Variants in TTC7A observed in about 807,000 individuals in gnomAD.
TTC7A encodes the protein tetratricopeptide repeat domain 7A, also known as tetratricopeptide repeat protein 7A.
In TTC7A, 110 loss-of-function variants were observed where a neutral mutation model predicts 103.7. That is an observed-to-expected ratio of 1.06 (90% CI 0.91 to 1.24). The LOEUF is 1.24. Among genes scored for constraint, TTC7A ranks in the 50% most tolerant of loss-of-function variants. The pLI is 0.00. For missense variants in TTC7A, 1,340 were observed against 1,116.3 expected (o/e 1.20, Z -2.86); for synonymous variants, 521 against 467.9 (o/e 1.11, Z -1.47).
Position 47,074,205 on chromosome 2 carries a change from C to T in TTC7A, c.*282C>T, listed in dbSNP as rs1039993504. ...TCCCCAAGAGCTGGGCAGCGGGGAG[C>T]CTCACAGCTGTCCTTCACCCTCACC... On this transcript the variant is annotated 3_prime_UTR_variant, in exon 20 of 20. Coordinates refer to ENST00000319190, the MANE Select transcript of TTC7A (RefSeq NM_020458.4). 1 of 481,224 alleles carries T rather than the reference C, an allele frequency of 2.1e-6. No homozygotes were observed. The allele number at this position is 481,224 out of a possible 1,614,324, so 29.8% of individuals were successfully genotyped here. A position where few individuals can be genotyped will look rare whatever the true frequency, so the allele number is the denominator to read the frequency against.
chr2:47,051,992 C>T, intron 18 of TTC7A, 112 bp downstream of exon 18: 2 of 1,389,408 alleles, frequency 1.4e-6, no homozygotes, highest in Non-Finnish European at 1.9e-6. Context: ...TTGCTAGGCC[C>T]ACGCGGGTTA....
At chr2:46,947,819 T>G (rs1281692311) in intron 1 of TTC7A, among the ~76,000 whole-genome samples, 1 of 152,204 alleles carries the variant, frequency 6.6e-6, no homozygotes, top group Non-Finnish European at 1.5e-5. Flanking sequence ...CTCCCAATTT[T>G]TTAGTATTAG....
chr2:47,066,614 G>T (rs1400342474), intron 19 of TTC7A, among the ~76,000 whole-genome samples: 2 of 152,342 alleles, frequency 1.3e-5, no homozygotes, highest in East Asian at 3.9e-4. Context: ...AAGACAAGCA[G>T]CCCTGCGTTA....
intron 8 of TTC7A, among the ~76,000 whole-genome samples, chr2:47,003,822 G>C (rs1677095647): frequency 6.6e-6 from 1 of 152,210 alleles, no homozygotes; most frequent in South Asian, 2.1e-4. Context: ...TTGCCTGTTG[G>C]AGGCCGCCCC....
chr2:47,022,059 G>A (rs1224975246), intron 12 of TTC7A, 80 bp downstream of exon 12: 11 of 1,011,642 alleles, frequency 1.1e-5, no homozygotes, highest in Admixed American at 2.0e-5. Flanking sequence ...TTGTCCTACC[G>A]GCACCCCTCC....
intron 3 of TTC7A, among the ~76,000 whole-genome samples, chr2:46,963,585 GT>G (rs1274948409): frequency 3.3e-5 from 5 of 152,214 alleles, no homozygotes; most frequent in Admixed American, 1.3e-4. Context: ...CTGGGGATCA[GT>G]TTCTGCATAA....
chr2:47,074,050 C>T lies in TTC7A; in HGVS notation c.*127C>T, dbSNP rs1454016966. The T allele has an allele frequency of 1.3e-5, 9 of 680,804 alleles. No individual in the cohort carries two copies. The highest frequency in any genetic ancestry group is 9.8e-6 in the Non-Finnish European group (4 of 407,294). The allele number at this position is 680,804 out of a possible 1,614,324, so 42.2% of individuals were successfully genotyped here. ...GGAAATACATCTTTAGTGAACGCCT[C>T]TGCAGCTGCAGCCCTCGTTCTCTTG... On this transcript the variant is annotated 3_prime_UTR_variant, in exon 20 of 20. Coordinates refer to ENST00000319190, the MANE Select transcript of TTC7A (RefSeq NM_020458.4).
chr2:46,924,949 T>C (rs1669310172), intron 2 of TTC7A, among the ~76,000 whole-genome samples: 1 of 152,222 alleles, frequency 6.6e-6, no homozygotes, highest in African/African-American at 2.4e-5. Context: ...TTTTCAAGAG[T>C]ACTCTTAGTT....
chr2:46,950,319 C>T (rs1166602028), intron 1 of TTC7A, 44 bp from the exon 2 acceptor site: 1 of 1,609,140 alleles, frequency 6.2e-7, no homozygotes, highest in South Asian at 1.1e-5. Context: ...CCATTATCCG[C>T]CTTGTTCGGG....
chr2:47,068,114 C>G (rs142263326), intron 19 of TTC7A: 1 of 152,280 alleles, frequency 6.6e-6, no homozygotes, highest in African/African-American at 2.4e-5. Flanking sequence ...GGCAGAGGCT[C>G]TGTGGTGGCA....
intron 5 of TTC7A, among the ~76,000 whole-genome samples, chr2:46,989,108 G>T (rs899539643): frequency 1.3e-5 from 2 of 152,184 alleles, no homozygotes; most frequent in Admixed American, 6.5e-5. Context: ...CTAGGGGACT[G>T]GGGAGCTTGC....
intron 2 of TTC7A, among the ~76,000 whole-genome samples, chr2:46,935,627 T>C (rs997963710): frequency 6.6e-6 from 1 of 152,174 alleles, no homozygotes; most frequent in Non-Finnish European, 1.5e-5. Flanking sequence ...CATTCAATTA[T>C]TGAGGCCCGC....
chr2:47,026,414 C>T (rs543477935), intron 14 of TTC7A, among the ~76,000 whole-genome samples: 3 of 152,316 alleles, frequency 2.0e-5, no homozygotes, highest in African/African-American at 4.8e-5. Flanking sequence ...GGGAGAACTC[C>T]GGGCCTGGCA....
chr2:47,049,750 G>A (rs1372534456), intron 16 of TTC7A, among the ~76,000 whole-genome samples, 199 bp from the exon 17 acceptor site: 2 of 152,062 alleles, frequency 1.3e-5, no homozygotes, highest in Non-Finnish European at 2.9e-5. Context: ...TGCGACCCAC[G>A]TTGATCCCTC....
chr2:47,030,885 C>G (rs1006334951), intron 15 of TTC7A, among the ~76,000 whole-genome samples: 2 of 152,202 alleles, frequency 1.3e-5, no homozygotes, highest in Admixed American at 1.3e-4. Context: ...GTGGCTCATG[C>G]CTATAATCCC....
At chr2:47,062,708 A>G (rs1051840744) in intron 19 of TTC7A, among the ~76,000 whole-genome samples, 1 of 152,236 alleles carries the variant, frequency 6.6e-6, no homozygotes, top group Admixed American at 6.5e-5. Flanking sequence ...GTAACAGTGT[A>G]CCATTTTTCA....
At chr2:46,951,677 T>C (rs998651990) in intron 2 of TTC7A, 26 of 456,132 alleles carry the variant, frequency 5.7e-5, no homozygotes, top group African/African-American at 4.8e-4. Context: ...TCCCGAAGCG[T>C]TGGGATTACA....
At chr2:47,027,406 T>G (rs577197220) in intron 14 of TTC7A, among the ~76,000 whole-genome samples, 1 of 152,156 alleles carries the variant, frequency 6.6e-6, no homozygotes, top group African/African-American at 2.4e-5. Context: ...TGGCCTGGAG[T>G]CAGGACCCCC....
chr2:46,916,155 C>G, upstream of TTC7A: 3 of 985,518 alleles, frequency 3.0e-6, no homozygotes, highest in Non-Finnish European at 3.6e-6. Context: ...TCCGCTCACC[C>G]CCTCCTATAC....
Sources: gnomAD v4.1 joint callset for allele counts (sites outside exome capture counted in the v4.1 genomes callset) on GRCh38, gnomAD v4.1.1 for gene constraint, MANE v1.5 for transcripts, NCBI Gene and HGNC (gene_info 2026-07-23, HGNC 2026-07-21) for gene names.